Variants in ZNF567 observed in about 807,000 individuals in gnomAD.
The protein encoded by ZNF567 is zinc finger protein 567.
ZNF567 carries 36 observed loss-of-function variants against 53.9 expected under a neutral mutation model. The observed-to-expected ratio is 0.67, with a 90% CI of 0.51 to 0.88. ZNF567 has a LOEUF of 0.88. Ranked by LOEUF, ZNF567 falls within the 40% of genes least tolerant of loss-of-function variation. ZNF567 has a pLI of 0.00. For missense variants in ZNF567, 619 were observed against 764.7 expected, an observed-to-expected ratio of 0.81 and a Z score of 2.25; for synonymous variants, 224 against 260.4, an observed-to-expected ratio of 0.86 and a Z score of 1.35.
rs1431131089 is a variant in ZNF567, at chr19:36,710,492, AATT to A, written c.10-1884_10-1882del. ...GTTATATCTGTTATGTTCTTCTGAG[AATT>A]ATTATTATTTTTAGTAGGCAATTAG... is the stretch of plus-strand genomic sequence containing the variant. On this transcript the variant is annotated intron_variant, in intron 3 of 5. Coordinates refer to ENST00000682579, the MANE Select transcript of ZNF567 (RefSeq NM_001322917.1). Among the ~76,000 whole-genome samples, 5 of 152,032 alleles carry A rather than the reference AATT, an allele frequency of 3.3e-5. No individual in the cohort carries two copies. The South Asian group carries it at 6.2e-4, about 19-fold the overall frequency.
the ZNF567 span, among the ~76,000 whole-genome samples, chr19:36,671,370 T>C: frequency 6.6e-6 from 1 of 152,146 alleles, no homozygotes; most frequent in Non-Finnish European, 1.5e-5. Context: ...CCTCCTACAG[T>C]CAAAAAGGAG....
intron 3 of ZNF567, among the ~76,000 whole-genome samples, chr19:36,696,596 C>T (rs745984607): frequency 5.9e-5 from 9 of 152,146 alleles, no homozygotes; most frequent in Non-Finnish European, 1.5e-5. Context: ...GTCTCCCATT[C>T]ACTGCAAAAC....
Position 36,717,656 on chromosome 19 carries a change from G to T in ZNF567, c.224-1292G>T, listed in dbSNP as rs1429941969. On this transcript the variant is annotated intron_variant, in intron 5 of 5. Coordinates refer to ENST00000682579, the MANE Select transcript of ZNF567 (RefSeq NM_001322917.1). Reference sequence around the variant, plus strand: ...GGACTCAATGAAGAAATAGATTTTTGAGCATAGCTTTAACATTGCTTCATC... The same window carrying T: ...GGACTCAATGAAGAAATAGATTTTTTAGCATAGCTTTAACATTGCTTCATC... 6.6e-5 allele frequency among the ~76,000 whole-genome samples: 10 copies of T among 152,162 alleles called. No individual in the cohort carries two copies. The East Asian group carries it at 1.9e-3, about 29-fold the overall frequency.
chr19:36,719,376 T>C lies in ZNF567; in HGVS notation c.652T>C (p.Ser218Pro). 6.2e-7 allele frequency: 1 copy of C among 1,613,812 alleles called. No homozygotes were observed. Among genetic ancestry groups the C allele is most frequent in the Non-Finnish European group, 8.5e-7 (1 of 1,179,974 alleles). ...QSFGYNDCEKSFLQRGGLITH... is the reference protein window; with the variant it reads ...QSFGYNDCEKPFLQRGGLITH... Reference sequence around the variant, plus strand: ...ATTTGGATATAATGACTGTGAGAAATCATTCCTTCAAAGGGGAGGCCTGAT... The same window carrying C: ...ATTTGGATATAATGACTGTGAGAAACCATTCCTTCAAAGGGGAGGCCTGAT... The change falls in exon 6 of 6, where the codon TCA (serine) becomes CCA (proline). Residue 218 changes from serine to proline, a missense_variant. Physicochemically the swap from Ser to Pro is moderately conservative, Grantham distance 74. Transcript: ENST00000682579.
intron 5 of ZNF567, among the ~76,000 whole-genome samples, chr19:36,713,583 C>T (rs937892667): frequency 3.9e-5 from 6 of 152,176 alleles, no homozygotes; most frequent in Non-Finnish European, 7.3e-5. Context: ...ACACACCAGC[C>T]TGGGCTACAG....
chr19:36,703,799 G>T (rs928324337), intron 3 of ZNF567: 5 of 152,650 alleles, frequency 3.3e-5, no homozygotes, highest in African/African-American at 1.2e-4. Flanking sequence ...CAGTATTTGG[G>T]TAGGAGTGAC....
At chr19:36,705,816 T>G (rs2145756208) in intron 3 of ZNF567, among the ~76,000 whole-genome samples, 1 of 152,336 alleles carries the variant, frequency 6.6e-6, no homozygotes, top group South Asian at 2.1e-4. Context: ...TATTTAGGAT[T>G]GTTGTATCCT....
At chr19:36,667,215 G>A in the ZNF567 span, among the ~76,000 whole-genome samples, 1 of 152,140 alleles carries the variant, frequency 6.6e-6, no homozygotes, top group Non-Finnish European at 1.5e-5. Flanking sequence ...AGGGTGTAGC[G>A]CGTGAGATTT....
intron 3 of ZNF567, among the ~76,000 whole-genome samples, chr19:36,704,415 T>A (rs2039385172): frequency 6.6e-6 from 1 of 152,072 alleles, no homozygotes; most frequent in Non-Finnish European, 1.5e-5. Flanking sequence ...AGAGTAAAAC[T>A]CCATCTCAAA....
At chr19:36,686,320 G>A (rs887822029), upstream of ZNF567, 2 of 152,128 alleles carry the variant, frequency 1.3e-5, no homozygotes, top group African/African-American at 4.8e-5. Context: ...CAAGGGAGAA[G>A]GGGTAAGGAA....
chr19:36,680,145 A>G, the ZNF567 span, among the ~76,000 whole-genome samples: 6 of 152,218 alleles, frequency 3.9e-5, no homozygotes, highest in African/African-American at 1.2e-4. Context: ...TTGTACATAC[A>G]ATACATACAA....
At chr19:36,698,214 G>T (rs1409117130) in intron 3 of ZNF567, among the ~76,000 whole-genome samples, 1 of 152,006 alleles carries the variant, frequency 6.6e-6, no homozygotes, top group East Asian at 1.9e-4. Context: ...GGAGAATGAT[G>T]ATTTCCAATT....
At chr19:36,676,025 A>T in the ZNF567 span, among the ~76,000 whole-genome samples, 2 of 86,422 alleles carry the variant, frequency 2.3e-5, no homozygotes, top group Non-Finnish European at 2.4e-5. Context: ...CATGTTTTGG[A>T]TTTGTCTATA....
At chr19:36,689,583 A>G (rs1180969739) in intron 2 of ZNF567, 86 bp downstream of exon 2, 1 of 152,066 alleles carries the variant, frequency 6.6e-6, no homozygotes, top group Non-Finnish European at 1.5e-5. Flanking sequence ...CCTCTTCTCC[A>G]GCTGCTGCCC....
chr19:36,723,477 C>T, downstream of ZNF567: 1 of 471,898 alleles, frequency 2.1e-6, no homozygotes, highest in Non-Finnish European at 3.8e-6. Flanking sequence ...TGTTTTATAG[C>T]TCTTGAATAT....
rs142085946 is a variant in ZNF567 at position 36,719,803 on chromosome 19, C to T, written c.1079C>T (p.Thr360Met). 6.8e-6 allele frequency: 11 copies of T among 1,614,034 alleles called. No homozygotes were observed. The African/African-American group carries it at 9.3e-5, about 14-fold the overall frequency. The change falls in exon 6 of 6, where the codon ACG becomes ATG. Residue 360 changes from threonine (T) to methionine (M), a missense_variant. Transcript: ENST00000682579. ...CTCATTCGTCATCAGAGAACTCACACGGGAGAGAAACCATATGAGTGTAAT... is the reference window on the plus strand; with the variant it reads ...CTCATTCGTCATCAGAGAACTCACATGGGAGAGAAACCATATGAGTGTAAT... ...SHLIRHQRTH[T>M]GEKPYECNDC...
rs528273914 is a variant in ZNF567 at position 36,697,329 on chromosome 19, T to C, written c.9+2453T>C. ...TGCAATTGATTTTTTTATCTTGACCTGCAACCTTTCAAAACTCTCTTATTC... is the reference window on the plus strand; with the variant it reads ...TGCAATTGATTTTTTTATCTTGACCCGCAACCTTTCAAAACTCTCTTATTC... On this transcript the variant is annotated intron_variant, in intron 3 of 5. Transcript: ENST00000682579. Among the ~76,000 whole-genome samples, 11 of 152,274 alleles carry C rather than the reference T, an allele frequency of 7.2e-5. No individual in the cohort carries two copies. In the East Asian group the frequency reaches 2.1e-3, roughly 29 times the overall value.
In ZNF567 at chr19:36,720,072, A is replaced by G; in HGVS notation, c.1348A>G (p.Ile450Val). Residue 450 changes from isoleucine (I) to valine (V), a missense_variant, in exon 6 of 6, where the codon ATT (isoleucine) becomes GTT (valine). By Grantham distance (29) the Ile-to-Val change is conservative. Transcript: ENST00000682579. ...AACTCATAATGAGGAGAAACCCTAT[A>G]TTTGTAGTGAATGTGGAAAGTCCTT... Reference protein sequence around the residue: ...EKTHNEEKPYICSECGKSFRQ... With the variant: ...EKTHNEEKPYVCSECGKSFRQ... 6.2e-7 allele frequency: 1 copy of G among 1,610,998 alleles called. No homozygotes were observed. The highest frequency in any genetic ancestry group is 8.5e-7 in the Non-Finnish European group (1 of 1,179,154).
upstream of ZNF567, among the ~76,000 whole-genome samples, chr19:36,683,037 C>T (rs1410071518): frequency 1.3e-5 from 2 of 151,632 alleles, no homozygotes; most frequent in East Asian, 1.9e-4. Context: ...CTTTTTCTAT[C>T]GGGTTTTTGG....
Sources: allele counts gnomAD v4.1 joint callset (sites outside exome capture counted in the v4.1 genomes callset), GRCh38; gene constraint gnomAD v4.1.1; transcripts MANE v1.5; gene names NCBI Gene and HGNC (gene_info 2026-07-23, HGNC 2026-07-21).